The following CLMN variants were observed in gnomAD, a reference collection of about 807,000 sequenced individuals.
CLMN encodes the protein calmin, also known as calmin (calponin-like, transmembrane).
A neutral mutation model predicts 92.7 loss-of-function variants in CLMN; 57 were observed. The ratio of observed to expected loss-of-function variants is 0.61; its 90% CI spans 0.50 to 0.77. The LOEUF is 0.77. Ranked by LOEUF, CLMN falls within the 30% of genes least tolerant of loss-of-function variation. The pLI is 0.00. For missense variants in CLMN, 1,158 were observed against 1,237.5 expected (o/e 0.94, Z 0.96); for synonymous variants, 466 against 470.6 (o/e 0.99, Z 0.13).
chr14:95,313,674 A>T (rs1191971846), intron 1 of CLMN, among the ~76,000 whole-genome samples: 1 of 152,126 alleles, frequency 6.6e-6, no homozygotes, highest in African/African-American at 2.4e-5. Flanking sequence ...AAAGAAAAAA[A>T]ATTTATAAAA....
chr14:95,303,367 G>A (rs917062840), intron 1 of CLMN, among the ~76,000 whole-genome samples: 6 of 152,222 alleles, frequency 3.9e-5, no homozygotes, highest in Non-Finnish European at 8.8e-5. Context: ...ACAAGTGCAC[G>A]ATGGTGAGCG....
At chr14:95,284,167 G>C (rs1257191501) in intron 1 of CLMN, among the ~76,000 whole-genome samples, 2 of 152,228 alleles carry the variant, frequency 1.3e-5, no homozygotes, top group Non-Finnish European at 2.9e-5. Context: ...AAAGCCCCAA[G>C]CCTTGGGAGC....
In CLMN at chr14:95,204,409, T is replaced by C; in HGVS notation, c.940A>G (p.Ile314Val). ...TCCTGTTCAGAAGGAGTTTCTTTGATGCGAACAAAAGTGGATTCGATAGGA... is the reference window on the plus strand; with the variant it reads ...TCCTGTTCAGAAGGAGTTTCTTTGACGCGAACAAAAGTGGATTCGATAGGA... ...EVPIESTFVR[I>V]KETPSEQESK... The change falls in exon 9 of 13, where the codon ATC becomes GTC. Residue 314 changes from isoleucine (I) to valine (V), a missense_variant. Physicochemically the swap from Ile to Val is conservative, Grantham distance 29. Coordinates refer to ENST00000298912, the MANE Select transcript of CLMN (RefSeq NM_024734.4). 5 of 1,613,174 alleles carry C rather than the reference T, an allele frequency of 3.1e-6. No individual in the cohort carries two copies. The highest frequency in any genetic ancestry group is 4.2e-6 in the Non-Finnish European group (5 of 1,179,796).
In CLMN at chr14:95,203,409, T is replaced by C. The variant is rs1291673949; in HGVS notation, c.1940A>G (p.Glu647Gly). 2 of 1,614,182 alleles carry C rather than the reference T, an allele frequency of 1.2e-6. No individual in the cohort carries two copies. The highest frequency in any genetic ancestry group is 3.3e-5 in the Admixed American group (2 of 60,032). Residue 647 changes from glutamate to glycine, a missense_variant, in exon 9 of 13, where the codon GAA becomes GGA. By Grantham distance (98) the Glu-to-Gly change is moderately conservative. Coordinates refer to ENST00000298912, the MANE Select transcript of CLMN (RefSeq NM_024734.4). ...EEAEGCPSAP[E>G]ETPVDKKPEV... is the part of the protein sequence containing the mutation. The stretch of plus-strand genomic sequence containing the variant: ...TGGCTTTTTATCCACTGGTGTCTCT[T>C]CTGGGGCTGAAGGACAGCCTTCAGC...
chr14:95,263,581 A>G (rs56841096), intron 1 of CLMN, among the ~76,000 whole-genome samples: 12,835 of 152,240 alleles, frequency 0.084, 552 homozygotes, highest in South Asian at 0.094. Context: ...CTTCACCTCA[A>G]TGCAGGAGTT....
intron 1 of CLMN, among the ~76,000 whole-genome samples, chr14:95,315,098 G>A (rs1313517762): frequency 6.6e-6 from 1 of 152,124 alleles, no homozygotes; most frequent in Non-Finnish European, 1.5e-5. Context: ...TGAAAGGAAG[G>A]TCTAGAGATA....
intron 1 of CLMN, among the ~76,000 whole-genome samples, chr14:95,315,568 A>T (rs951668082): frequency 6.6e-6 from 1 of 152,198 alleles, no homozygotes; most frequent in Non-Finnish European, 1.5e-5. Context: ...GCCGGGGCTG[A>T]TCCTTCGGAA....
At chr14:95,299,923 G>C (rs545711644) in intron 1 of CLMN, among the ~76,000 whole-genome samples, 1 of 152,342 alleles carries the variant, frequency 6.6e-6, no homozygotes, top group South Asian at 2.1e-4. Context: ...CCTATACCCT[G>C]AAAGAAACAG....
chr14:95,252,574 G>A (rs988132625), intron 1 of CLMN, among the ~76,000 whole-genome samples: 16 of 152,142 alleles, frequency 1.1e-4, no homozygotes, highest in Admixed American at 2.0e-4. Context: ...TTCTGACTAC[G>A]AAGGACCTTA....
chr14:95,271,102 T>C (rs118089732), intron 1 of CLMN, among the ~76,000 whole-genome samples: 2,493 of 152,340 alleles, frequency 0.016, 26 homozygotes, highest in Non-Finnish European at 0.024. Flanking sequence ...GTAATTCGTG[T>C]ATCTTCTATG....
At position 95,253,630 on chromosome 14, in the gene CLMN, T is replaced by G. The variant is rs190345464; in HGVS notation, c.83-23497A>C. 6.2e-3 allele frequency among the ~76,000 whole-genome samples: 931 copies of G among 151,306 alleles called. 7 individuals carry two copies. The highest frequency in any genetic ancestry group is 0.021 in the African/African-American group (885 of 41,226). Reference sequence around the variant, plus strand: ...TTTTGTTTTTTTGTTTTTTTTTTTTTGAGACAGAGTCTCTCTCTGTTGCCC... The same window carrying G: ...TTTTGTTTTTTTGTTTTTTTTTTTTGGAGACAGAGTCTCTCTCTGTTGCCC... On this transcript the variant is annotated intron_variant, in intron 1 of 12. Coordinates refer to ENST00000298912, the MANE Select transcript of CLMN (RefSeq NM_024734.4).
At position 95,215,634 on chromosome 14, in the gene CLMN, A is replaced by G. The variant is rs1234454666; in HGVS notation, c.417+7T>C. 1 of 1,611,552 alleles carries G rather than the reference A, an allele frequency of 6.2e-7. No individual in the cohort carries two copies. The highest frequency in any genetic ancestry group is 1.7e-4 in the Middle Eastern group (1 of 6,054). On this transcript the variant is annotated splice_region_variant and intron_variant, in intron 5 of 12. Transcript: ENST00000298912. Reference sequence around the variant, plus strand: ...GATTGTGTGTTTTGGAAAAGAAATGATCTTACCTGGAAGAAGAGGATTATG... The same window carrying G: ...GATTGTGTGTTTTGGAAAAGAAATGGTCTTACCTGGAAGAAGAGGATTATG...
chr14:95,189,432 C>T lies in CLMN; in HGVS notation c.*2132G>A, dbSNP rs776628120. The T allele has an allele frequency of 4.6e-5, 7 of 152,220 alleles. No individual in the cohort carries two copies. The highest frequency in any genetic ancestry group is 5.9e-5 in the Non-Finnish European group (4 of 68,038). 9.4% of individuals were successfully genotyped at this position (152,220 alleles called of 1,614,324 possible). ...ATCCATTTTCTATATCCAGCTTCTTCCATAGAAGCCTATACTCAAATGAGA... is the reference window on the plus strand; with the variant it reads ...ATCCATTTTCTATATCCAGCTTCTTTCATAGAAGCCTATACTCAAATGAGA... On this transcript the variant is annotated 3_prime_UTR_variant, in exon 13 of 13. Transcript: ENST00000298912.
At chr14:95,261,755 G>A (rs982612598) in intron 1 of CLMN, among the ~76,000 whole-genome samples, 6 of 152,182 alleles carry the variant, frequency 3.9e-5, no homozygotes, top group African/African-American at 1.4e-4. Flanking sequence ...AGGTCCACCC[G>A]CTCCTCTCAT....
At chr14:95,277,094 C>T (rs1188024818) in intron 1 of CLMN, among the ~76,000 whole-genome samples, 4 of 152,144 alleles carry the variant, frequency 2.6e-5, no homozygotes, top group African/African-American at 9.7e-5. Context: ...TTCAGCCTCT[C>T]TCTGTGCAAA....
chr14:95,297,463 T>C (rs752530455), intron 1 of CLMN, among the ~76,000 whole-genome samples: 9 of 152,168 alleles, frequency 5.9e-5, no homozygotes, highest in African/African-American at 1.4e-4. Flanking sequence ...ACGGAAGAGA[T>C]AGAATATTCC....
At chr14:95,240,147 A>T (rs573663220) in intron 1 of CLMN, among the ~76,000 whole-genome samples, 2 of 152,362 alleles carry the variant, frequency 1.3e-5, no homozygotes, top group East Asian at 3.9e-4. Context: ...GTACAACAAA[A>T]TCGCCTAACA....
At chr14:95,242,577 T>TC (rs1566888927) in intron 1 of CLMN, among the ~76,000 whole-genome samples, 4 of 135,508 alleles carry the variant, frequency 3.0e-5, no homozygotes, top group African/African-American at 8.7e-5. Flanking sequence ...TCTTTTTCTT[T>TC]TTTTTTGAGA....
At chr14:95,209,348 A>T in intron 8 of CLMN, 47 bp downstream of exon 8, 1 of 1,563,064 alleles carries the variant, frequency 6.4e-7, no homozygotes, top group Non-Finnish European at 8.8e-7. Flanking sequence ...TGGCCAGCGG[A>T]TGGAAATGTA....
Sources: allele counts gnomAD v4.1 joint callset (sites outside exome capture counted in the v4.1 genomes callset), GRCh38; gene constraint gnomAD v4.1.1; transcripts MANE v1.5; gene names NCBI Gene and HGNC (gene_info 2026-07-23, HGNC 2026-07-21).